The following RBM33 variants were observed in gnomAD, a reference collection of about 807,000 sequenced individuals.
RBM33 encodes RNA binding motif protein 33.
Under a neutral mutation model 132.6 loss-of-function variants are expected in RBM33, and 28 were observed. The observed-to-expected ratio is 0.21, with a 90% CI of 0.16 to 0.29. RBM33 has a LOEUF of 0.29. RBM33 is among the 10% of genes least tolerant of loss of function. The pLI is 1.00. For missense variants in RBM33, 1,291 were observed against 1,518.5 expected (o/e 0.85, Z 2.49); for synonymous variants, 634 against 593.0 (o/e 1.07, Z -1.01).
At chr7:155,662,745 G>A (rs1798686600) in intron 1 of RBM33, among the ~76,000 whole-genome samples, 1 of 152,106 alleles carries the variant, frequency 6.6e-6, no homozygotes, top group South Asian at 2.1e-4. Flanking sequence ...GGACCTGAGT[G>A]GAAGAAAGGA....
intron 11 of RBM33, chr7:155,739,189 A>G (rs1455460087): frequency 6.6e-6 from 1 of 152,288 alleles, no homozygotes; most frequent in Non-Finnish European, 1.5e-5. Context: ...TATATATAAG[A>G]AAGGAAATTA....
In RBM33 at chr7:155,766,743, G is replaced by A. The variant is rs1802234462; in HGVS notation, c.3375+88G>A. On this transcript the variant is annotated intron_variant, in intron 16 of 17. Transcript: ENST00000401878. ...TGATTTAAAACACAGTGCCCTTTGTGTTGGCTACTTCATATTAAAATAATA... is the reference window on the plus strand; with the variant it reads ...TGATTTAAAACACAGTGCCCTTTGTATTGGCTACTTCATATTAAAATAATA... 7.2e-6 allele frequency: 9 copies of A among 1,251,152 alleles called. No individual in the cohort carries two copies. In the East Asian group the frequency reaches 2.0e-4, roughly 28 times the overall value. 77.5% of individuals were successfully genotyped at this position (1,251,152 alleles called of 1,614,324 possible).
intron 9 of RBM33, among the ~76,000 whole-genome samples, 169 bp from the exon 10 acceptor site, chr7:155,737,353 CTGTGTGTG>C (rs59512454): frequency 7.7e-5 from 11 of 142,842 alleles, no homozygotes; most frequent in Admixed American, 1.4e-4. Context: ...ATGCATGACT[CTGTGTGTG>C]TGTGTGTGTG....
chr7:155,717,346 C>T (rs114812455), intron 8 of RBM33, among the ~76,000 whole-genome samples: 1,672 of 152,244 alleles, frequency 0.011, 31 homozygotes, highest in African/African-American at 0.038. Context: ...TGTGTCCTCA[C>T]GTGGTCCTCC....
chr7:155,727,817 G>C (rs1364205076), intron 9 of RBM33, among the ~76,000 whole-genome samples: 1 of 152,244 alleles, frequency 6.6e-6, no homozygotes, highest in Non-Finnish European at 1.5e-5. Context: ...CCAGGCTGGA[G>C]TGCAGTGGTG....
At position 155,665,258 on chromosome 7, in the gene RBM33, G is replaced by C. The variant is rs1407880868; in HGVS notation, c.122+5G>C. The C allele has an allele frequency of 5.0e-6, 8 of 1,612,146 alleles. No individual in the cohort carries two copies. Among genetic ancestry groups the C allele is most frequent in the Non-Finnish European group, 6.8e-6 (8 of 1,178,308 alleles). On this transcript the variant is annotated splice_donor_5th_base_variant and intron_variant, in intron 2 of 17. Coordinates refer to ENST00000401878, the MANE Select transcript of RBM33 (RefSeq NM_053043.3). ...TGCTGATGAGGACTGGGACAGGTACGTGCACCCTGTGCTTCACCTAACTGC... is the reference window on the plus strand; with the variant it reads ...TGCTGATGAGGACTGGGACAGGTACCTGCACCCTGTGCTTCACCTAACTGC...
At chr7:155,647,250 A>G (rs1798225240) in intron 1 of RBM33, among the ~76,000 whole-genome samples, 1 of 152,242 alleles carries the variant, frequency 6.6e-6, no homozygotes, top group Non-Finnish European at 1.5e-5. Flanking sequence ...TTACAGTAAA[A>G]TGCTGGTTGT....
intron 8 of RBM33, among the ~76,000 whole-genome samples, chr7:155,713,373 T>C (rs754839001): frequency 6.6e-6 from 1 of 151,680 alleles, no homozygotes; most frequent in Non-Finnish European, 1.5e-5. Flanking sequence ...AGTCTGTGTG[T>C]GGGGAGACCA....
chr7:155,673,503 T>TATAG (rs1224229228), intron 3 of RBM33, among the ~76,000 whole-genome samples: 1 of 148,920 alleles, frequency 6.7e-6, no homozygotes, highest in African/African-American at 2.5e-5. Context: ...CACACATATA[T>TATAG]ACATACACAC....
Position 155,644,689 on chromosome 7 carries a change from A to G in RBM33, c.-188A>G, listed in dbSNP as rs1341029344. ...CGCGGGCGCGCGGCCATGTTGCGGT[A>G]GTTTGTTGTTTTCTTCCTGCGGAGG... On this transcript the variant is annotated 5_prime_UTR_variant, in exon 1 of 18. It removes the in-frame stop codon of an upstream open reading frame in the 5' UTR. Coordinates refer to ENST00000401878, the MANE Select transcript of RBM33 (RefSeq NM_053043.3). The G allele has an allele frequency of 4.5e-6, 2 of 442,748 alleles. No homozygotes were observed. Among genetic ancestry groups the G allele is most frequent in the East Asian group, 7.5e-5 (2 of 26,758 alleles). The allele number at this position is 442,748 out of a possible 1,614,324, so 27.4% of individuals were successfully genotyped here.
At chr7:155,681,009 G>A in intron 5 of RBM33, 101 bp downstream of exon 5, 1 of 899,526 alleles carries the variant, frequency 1.1e-6, no homozygotes, top group South Asian at 1.8e-5. Flanking sequence ...GGAGGGAGGG[G>A]AAATTAGACC....
rs779768048 is a variant in RBM33 at position 155,644,860 on chromosome 7, CG to C, written c.-14del. ...TGGCTTGGTGGGGGAGGCTGAAGGCCGGGCCCCGCGAGTGCCATGGCGGCCG... is the reference window on the plus strand; with the variant it reads ...TGGCTTGGTGGGGGAGGCTGAAGGCCGGCCCCGCGAGTGCCATGGCGGCCG... On this transcript the variant is annotated 5_prime_UTR_variant, in exon 1 of 18. Transcript: ENST00000401878. The C allele has an allele frequency of 5.4e-6, 8 of 1,487,676 alleles. No individual in the cohort carries two copies. In the South Asian group the frequency reaches 1.0e-4, roughly 19 times the overall value. The allele number at this position is 1,487,676 out of a possible 1,614,324, so 92.2% of individuals were successfully genotyped here. A position where few individuals can be genotyped will look rare whatever the true frequency, so the allele number is the denominator to read the frequency against.
intron 5 of RBM33, among the ~76,000 whole-genome samples, chr7:155,691,584 A>G (rs1799643145): frequency 7.3e-6 from 1 of 137,810 alleles, no homozygotes; most frequent in African/African-American, 2.6e-5. Context: ...GGTTTTGTAG[A>G]TTTCAGTTTT....
intron 6 of RBM33, among the ~76,000 whole-genome samples, chr7:155,701,724 G>A (rs550217960): frequency 6.6e-6 from 1 of 152,286 alleles, no homozygotes; most frequent in East Asian, 1.9e-4. Context: ...GTCTCGCTTT[G>A]TTGCCTAAGC....
intron 3 of RBM33, among the ~76,000 whole-genome samples, chr7:155,677,601 GTTATT>G (rs1799220694): frequency 6.6e-6 from 1 of 152,162 alleles, no homozygotes; most frequent in South Asian, 2.1e-4. Context: ...TGTATCCTGT[GTTATT>G]TTATTTTTAT....
chr7:155,774,809 C>T lies in RBM33; in HGVS notation c.3464+162C>T, dbSNP rs928999763. Among the ~76,000 whole-genome samples the T allele has an allele frequency of 3.9e-5, 6 of 152,314 alleles. No individual in the cohort carries two copies. The East Asian group carries it at 7.7e-4, about 20-fold the overall frequency. ...GACGGTGATCCTGTCATGAGGCGCG[C>T]GTCCTTTTGTCTGGTGGAGAATTGC... On this transcript the variant is annotated intron_variant, in intron 17 of 17. Transcript: ENST00000401878. This position sits in a 1 kb window ranked among gnomAD's most constrained non-coding sequence, Gnocchi z 4.2.
intron 9 of RBM33, among the ~76,000 whole-genome samples, chr7:155,734,063 T>A (rs1563166083): frequency 1.3e-5 from 2 of 152,188 alleles, no homozygotes. Context: ...TCACGCCCAG[T>A]GCGTGCCTGG....
intron 14 of RBM33, among the ~76,000 whole-genome samples, chr7:155,759,517 A>G (rs367999274): frequency 5.0e-4 from 73 of 145,794 alleles, no homozygotes; most frequent in African/African-American, 1.9e-3. Flanking sequence ...TCCCGGGTTC[A>G]CGCCATTCTC....
At chr7:155,709,130 C>T (rs767816773) in intron 7 of RBM33, among the ~76,000 whole-genome samples, 1 of 151,454 alleles carries the variant, frequency 6.6e-6, no homozygotes, top group Non-Finnish European at 1.5e-5. Flanking sequence ...TCTTCTTTCT[C>T]CCTTTTGACC....
Sources: gnomAD v4.1 joint callset for allele counts (sites outside exome capture counted in the v4.1 genomes callset) on GRCh38, gnomAD v4.1.1 for gene constraint, Gnocchi (gnomAD v3.1) non-coding constraint, MANE v1.5 for transcripts, NCBI Gene and HGNC (gene_info 2026-07-23, HGNC 2026-07-21) for gene names.